Variants in HDAC4 observed in about 807,000 individuals in gnomAD.
The protein encoded by HDAC4 is histone deacetylase A.
HDAC4 carries 16 observed loss-of-function variants against 135.1 expected under a neutral mutation model. The observed-to-expected ratio is 0.12, with a 90% CI of 0.08 to 0.18. HDAC4 has a LOEUF of 0.18. Among genes scored for constraint, HDAC4 ranks in the 10% least tolerant of loss-of-function variants. The pLI is 1.00. For missense variants in HDAC4, 1,143 were observed against 1,511.8 expected (o/e 0.76, Z 4.05); for synonymous variants, 685 against 653.4 (o/e 1.05, Z -0.74).
chr2:239,065,205 TGTCA>T (rs1408540793), intron 24 of HDAC4, among the ~76,000 whole-genome samples: 2 of 152,164 alleles, frequency 1.3e-5, no homozygotes, highest in African/African-American at 2.4e-5. Flanking sequence ...CCAGAGCGCC[TGTCA>T]GTAAGAGCCA....
At chr2:239,311,432 T>A (rs1386570625) in intron 2 of HDAC4, among the ~76,000 whole-genome samples, 1 of 152,186 alleles carries the variant, frequency 6.6e-6, no homozygotes, top group East Asian at 1.9e-4. Context: ...GCTGTTCTGA[T>A]CCGCAGAACA....
intron 3 of HDAC4, among the ~76,000 whole-genome samples, chr2:239,204,011 G>A (rs1047681249): frequency 3.3e-5 from 5 of 152,204 alleles, no homozygotes; most frequent in African/African-American, 1.2e-4. Context: ...TGCATCCATC[G>A]AGCTCTCTCT....
intron 5 of HDAC4, among the ~76,000 whole-genome samples, chr2:239,168,801 G>A (rs2043274318): frequency 6.6e-6 from 1 of 152,208 alleles, no homozygotes; most frequent in South Asian, 2.1e-4. Flanking sequence ...CACTCTGAGG[G>A]CTGCAGAGCC....
intron 4 of HDAC4, among the ~76,000 whole-genome samples, chr2:239,182,119 G>A (rs1010629459): frequency 2.6e-5 from 4 of 152,184 alleles, no homozygotes; most frequent in Admixed American, 6.5e-5. Context: ...AAGGTGCCCC[G>A]AGAGCATCCC....
At chr2:239,193,776 T>C (rs2045176324) in intron 3 of HDAC4, among the ~76,000 whole-genome samples, 1 of 152,262 alleles carries the variant, frequency 6.6e-6, no homozygotes, top group Non-Finnish European at 1.5e-5. Flanking sequence ...CAAGGTTGGC[T>C]GGCCGAGTGG....
At position 239,089,938 on chromosome 2, in the gene HDAC4, C is replaced by A. The variant is rs536473278; in HGVS notation, c.2388+71G>T. On this transcript the variant is annotated intron_variant, in intron 18 of 26. Transcript: ENST00000543185. ...CCTGATGAGAGGGAGACGGAGTGGGCGGCCCCTCCCCACACTGGGAATCTA... is the reference window on the plus strand; with the variant it reads ...CCTGATGAGAGGGAGACGGAGTGGGAGGCCCCTCCCCACACTGGGAATCTA... 6.3e-6 allele frequency: 7 copies of A among 1,113,688 alleles called. No homozygotes were observed. The South Asian group carries it at 7.4e-5, about 12-fold the overall frequency. The allele number at this position is 1,113,688 out of a possible 1,614,324, so 69.0% of individuals were successfully genotyped here.
intron 1 of HDAC4, among the ~76,000 whole-genome samples, chr2:239,382,731 T>C (rs1662885453): frequency 6.8e-6 from 1 of 146,900 alleles, no homozygotes; most frequent in Non-Finnish European, 1.5e-5. Context: ...TTCTTTTTCT[T>C]TTTTTTTTTT....
At chr2:239,107,338 G>A (rs1455198957) in intron 15 of HDAC4, among the ~76,000 whole-genome samples, 8 of 152,244 alleles carry the variant, frequency 5.3e-5, no homozygotes, top group Non-Finnish European at 8.8e-5. Context: ...GGCGGGGCCG[G>A]GCCCTCCTTG....
chr2:239,087,074 T>C (rs562216799), intron 19 of HDAC4, among the ~76,000 whole-genome samples: 1 of 152,176 alleles, frequency 6.6e-6, no homozygotes, highest in African/African-American at 2.4e-5. Flanking sequence ...CTCAGCTGTA[T>C]GGACCGTCGG....
chr2:239,204,288 C>G (rs1026347739), intron 3 of HDAC4, among the ~76,000 whole-genome samples: 1 of 152,214 alleles, frequency 6.6e-6, no homozygotes, highest in Admixed American at 6.5e-5. Flanking sequence ...CACGATGCAG[C>G]GGCCCCTGTG....
At chr2:239,220,690 C>G (rs908909024) in intron 3 of HDAC4, among the ~76,000 whole-genome samples, 1 of 152,196 alleles carries the variant, frequency 6.6e-6, no homozygotes, top group South Asian at 2.1e-4. Context: ...CTTAGTCATT[C>G]AGCTTCATCT....
chr2:239,341,121 G>A (rs995502850), intron 2 of HDAC4, among the ~76,000 whole-genome samples: 1 of 152,132 alleles, frequency 6.6e-6, no homozygotes, highest in African/African-American at 2.4e-5. Flanking sequence ...TTTCCCCTAG[G>A]GCCTCCTCAA....
chr2:239,150,843 C>T (rs1358537148), intron 7 of HDAC4, among the ~76,000 whole-genome samples: 2 of 149,842 alleles, frequency 1.3e-5, no homozygotes, highest in Non-Finnish European at 3.0e-5. Flanking sequence ...CCTTCACATA[C>T]AGCAGCAGGA....
At position 239,137,447 on chromosome 2, in the gene HDAC4, C is replaced by T. The variant is rs2041046564; in HGVS notation, c.978+2237G>A. Among the ~76,000 whole-genome samples the T allele has an allele frequency of 1.3e-5, 2 of 152,140 alleles. 1 individual carries two copies. Among genetic ancestry groups the T allele is most frequent in the South Asian group, 4.1e-4 (2 of 4,820 alleles). ...GAGGAGGTGCCGGCACACTGGGCTT[C>T]CCTGGCCTGTAGAGGAGGAGGTGCC... On this transcript the variant is annotated intron_variant, in intron 9 of 26. Transcript: ENST00000543185.
At position 239,282,789 on chromosome 2, in the gene HDAC4, TACAC is replaced by T. The variant is rs1198506626; in HGVS notation, c.23-46129_23-46126del. ...CCACTCTACAATGTACACACCCCTC[TACAC>T]ACAATGTACACACCACTCTACACAC... On this transcript the variant is annotated intron_variant, in intron 2 of 26. Coordinates refer to ENST00000543185, the MANE Select transcript of HDAC4 (RefSeq NM_001378414.1). Among the ~76,000 whole-genome samples, 8 of 132,324 alleles carry T rather than the reference TACAC, an allele frequency of 6.0e-5. No individual in the cohort carries two copies. In the South Asian group the frequency reaches 1.5e-3, roughly 24 times the overall value. 86.8% of individuals were successfully genotyped at this position (132,324 alleles called of 152,430 possible). A position where few individuals can be genotyped will look rare whatever the true frequency, so the allele number is the denominator to read the frequency against.
chr2:239,091,309 C>T (rs991443454), intron 17 of HDAC4: 3 of 152,236 alleles, frequency 2.0e-5, no homozygotes, highest in Non-Finnish European at 4.4e-5. Flanking sequence ...CCCCAGGGAA[C>T]CTGAGCATCT....
chr2:239,071,849 G>C (rs576615640), intron 22 of HDAC4, among the ~76,000 whole-genome samples: 1 of 152,268 alleles, frequency 6.6e-6, no homozygotes, highest in African/African-American at 2.4e-5. Flanking sequence ...AGTTGTGTAA[G>C]CTGAGCCGGT....
intron 3 of HDAC4, among the ~76,000 whole-genome samples, chr2:239,215,779 C>A (rs2046599909): frequency 6.6e-6 from 1 of 152,206 alleles, no homozygotes; most frequent in South Asian, 2.1e-4. Flanking sequence ...CTGCACCGGG[C>A]TCCCTGGAGG....
At chr2:239,148,684 G>A (rs549001864) in intron 7 of HDAC4, among the ~76,000 whole-genome samples, 59 of 152,332 alleles carry the variant, frequency 3.9e-4, no homozygotes, top group Non-Finnish European at 6.5e-4. Context: ...CTCCATGCAC[G>A]ACTTCTCCAA....
Sources: gnomAD v4.1 joint callset for allele counts (sites outside exome capture counted in the v4.1 genomes callset) on GRCh38, gnomAD v4.1.1 for gene constraint, MANE v1.5 for transcripts, NCBI Gene and HGNC (gene_info 2026-07-23, HGNC 2026-07-21) for gene names.